Variants in RNLS observed in about 807,000 individuals in gnomAD.
The protein encoded by RNLS is renalase, FAD dependent amine oxidase.
In RNLS, 39 loss-of-function variants were observed where a neutral mutation model predicts 39.8. The observed-to-expected ratio is 0.98, with a 90% confidence interval of 0.76 to 1.28. The LOEUF (loss-of-function observed/expected upper bound fraction) is 1.28, where lower values mean the gene tolerates loss of function less well. Ranked by LOEUF, RNLS falls within the 50% of genes most tolerant of loss-of-function variation. The probability of loss-of-function intolerance (pLI) is 0.00; values close to 1 mark genes in which losing one functional copy is unlikely to be tolerated. For missense variants in RNLS, 410 were observed against 413.3 expected (o/e 0.99, Z 0.07); for synonymous variants, 147 against 150.7 (o/e 0.98, Z 0.18).
chr10:88,403,616 G>A (rs1853075535), intron 4 of RNLS, among the ~76,000 whole-genome samples: 1 of 151,856 alleles, frequency 6.6e-6, no homozygotes, highest in Non-Finnish European at 1.5e-5. Flanking sequence ...GCACACACTT[G>A]AAGATTTATA....
At chr10:88,291,584 G>T (rs562356935) in intron 6 of RNLS, among the ~76,000 whole-genome samples, 2 of 152,260 alleles carry the variant, frequency 1.3e-5, no homozygotes, top group East Asian at 3.9e-4. Flanking sequence ...CGTGCCTCAG[G>T]CAGCCACCAC....
At chr10:88,520,554 A>G (rs1210446965) in intron 4 of RNLS, among the ~76,000 whole-genome samples, 3 of 152,094 alleles carry the variant, frequency 2.0e-5, no homozygotes, top group African/African-American at 7.2e-5. Context: ...ATTAGTTAAG[A>G]AAAGAAATTG....
intron 4 of RNLS, among the ~76,000 whole-genome samples, chr10:88,382,401 A>AGTC: frequency 6.6e-6 from 1 of 152,264 alleles, no homozygotes; most frequent in Non-Finnish European, 1.5e-5. Flanking sequence ...AGTAACCAAT[A>AGTC]GTCATAGAAA....
chr10:88,207,181 G>A, the RNLS span, among the ~76,000 whole-genome samples: 2 of 152,032 alleles, frequency 1.3e-5, no homozygotes, highest in African/African-American at 2.4e-5. Flanking sequence ...GAAGATAAGT[G>A]GAACTTCAGC....
intron 4 of RNLS, among the ~76,000 whole-genome samples, chr10:88,482,381 T>A (rs1286613259): frequency 6.6e-6 from 1 of 152,162 alleles, no homozygotes; most frequent in Admixed American, 6.6e-5. Context: ...TTCTATTGAT[T>A]TGTCTCAAGT....
chr10:88,393,531 T>C (rs995361961), intron 4 of RNLS, among the ~76,000 whole-genome samples: 9 of 152,084 alleles, frequency 5.9e-5, no homozygotes, highest in African/African-American at 2.2e-4. Context: ...CACTGCTCAA[T>C]GAAGTAAAAG....
chr10:88,558,280 A>G (rs1193600519), intron 4 of RNLS, among the ~76,000 whole-genome samples: 1 of 152,220 alleles, frequency 6.6e-6, no homozygotes, highest in African/African-American at 2.4e-5. Flanking sequence ...GAGAGCCTTA[A>G]GCAAGTTAAC....
chr10:88,366,540 G>A (rs886449884), intron 4 of RNLS, among the ~76,000 whole-genome samples: 1 of 151,462 alleles, frequency 6.6e-6, no homozygotes, highest in Non-Finnish European at 1.5e-5. Flanking sequence ...TCTTGTACTA[G>A]GTCCCAATAG....
the RNLS span, among the ~76,000 whole-genome samples, chr10:88,193,161 G>A: frequency 2.6e-5 from 4 of 152,108 alleles, no homozygotes; most frequent in Admixed American, 2.6e-4. Context: ...CAACTTAATG[G>A]TCAACAGGCC....
the RNLS span, among the ~76,000 whole-genome samples, chr10:88,258,332 A>C: frequency 6.6e-6 from 1 of 152,218 alleles, no homozygotes; most frequent in Admixed American, 6.5e-5. Context: ...AGAATTATGT[A>C]TTCTGGATCC....
intron 4 of RNLS, among the ~76,000 whole-genome samples, chr10:88,382,839 A>C (rs1210165852): frequency 6.6e-6 from 1 of 152,102 alleles, no homozygotes; most frequent in African/African-American, 2.4e-5. Context: ...GCATTGTAAA[A>C]CTATAGGTGA....
At chr10:88,481,349 T>C (rs888587598) in intron 4 of RNLS, among the ~76,000 whole-genome samples, 1 of 152,198 alleles carries the variant, frequency 6.6e-6, no homozygotes, top group Non-Finnish European at 1.5e-5. Context: ...ATTTTGCTAT[T>C]TGTTTTCTAA....
At position 88,315,765 on chromosome 10, in the gene RNLS, G is replaced by T. The variant is rs568503513; in HGVS notation, c.701-1124C>A. ...TTTTTTTTTTTTTTAATGAGAATAA[G>T]TTAGTAGCCACCACTTTTTTTTTTT... On this transcript the variant is annotated intron_variant, in intron 5 of 6. Coordinates refer to ENST00000331772, the MANE Select transcript of RNLS (RefSeq NM_001031709.3). Among the ~76,000 whole-genome samples the T allele has an allele frequency of 5.8e-4, 83 of 142,160 alleles. 1 individual carries two copies. The highest frequency in any genetic ancestry group is 2.1e-3 in the African/African-American group (80 of 38,614). 93.3% of individuals were successfully genotyped at this position (142,160 alleles called of 152,430 possible). A position where few individuals can be genotyped will look rare whatever the true frequency, so the allele number is the denominator to read the frequency against.
intron 4 of RNLS, among the ~76,000 whole-genome samples, chr10:88,376,878 T>TTTTA (rs1344627853): frequency 6.6e-6 from 1 of 152,152 alleles, no homozygotes; most frequent in African/African-American, 2.4e-5. Flanking sequence ...ACATAAAACA[T>TTTTA]TTTATTTTTG....
intron 4 of RNLS, among the ~76,000 whole-genome samples, chr10:88,493,364 T>A (rs1252396024): frequency 6.6e-6 from 1 of 152,072 alleles, no homozygotes; most frequent in Non-Finnish European, 1.5e-5. Flanking sequence ...CCCCATCTCA[T>A]ACAGATCATC....
the RNLS span, among the ~76,000 whole-genome samples, chr10:88,181,923 G>C: frequency 2.0e-5 from 3 of 152,146 alleles, no homozygotes; most frequent in Admixed American, 1.3e-4. Flanking sequence ...TGCTTGAAGA[G>C]ATCTTTATGG....
chr10:88,190,918 G>A, the RNLS span, among the ~76,000 whole-genome samples: 20 of 152,336 alleles, frequency 1.3e-4, no homozygotes, highest in East Asian at 2.9e-3. Flanking sequence ...GAGGTCCAAC[G>A]TGGGTCTTGT....
intron 4 of RNLS, among the ~76,000 whole-genome samples, chr10:88,508,361 C>T (rs944176223): frequency 3.3e-5 from 5 of 152,030 alleles, no homozygotes; most frequent in Admixed American, 6.6e-5. Context: ...ATCTGTAAGA[C>T]GGGGACATTA....
At position 88,284,648 on chromosome 10, in the gene RNLS, C is replaced by T. The variant is rs1279875740; in HGVS notation, c.*706G>A. The T allele has an allele frequency of 1.5e-4, 144 of 984,984 alleles. No individual in the cohort carries two copies. The highest frequency in any genetic ancestry group is 1.7e-4 in the Non-Finnish European group (141 of 829,714). The allele number at this position is 984,984 out of a possible 1,614,324, so 61.0% of individuals were successfully genotyped here. On this transcript the variant is annotated 3_prime_UTR_variant, in exon 7 of 7. Coordinates refer to ENST00000331772, the MANE Select transcript of RNLS (RefSeq NM_001031709.3). ...CAAAAGGTAAGGATCGATATACTTT[C>T]TCTCTGTTTCTATTTAATTTTTATC...
Sources: allele counts gnomAD v4.1 joint callset (sites outside exome capture counted in the v4.1 genomes callset), GRCh38; gene constraint gnomAD v4.1.1; transcripts MANE v1.5; gene names NCBI Gene and HGNC (gene_info 2026-07-23, HGNC 2026-07-21).